Variants in DNAAF11 observed in about 807,000 individuals in gnomAD.
The protein encoded by DNAAF11 is dynein axonemal assembly factor 11, also known as leucine rich repeat containing 6.
In DNAAF11, 45 loss-of-function variants were observed where a neutral mutation model predicts 60.8. The ratio of observed to expected loss-of-function variants is 0.74; its 90% CI spans 0.58 to 0.95. The LOEUF (loss-of-function observed/expected upper bound fraction) is 0.95, where lower values mean the gene tolerates loss of function less well. DNAAF11 is among the 40% of genes least tolerant of loss of function. DNAAF11 has a pLI of 0.00. For synonymous variants in DNAAF11, 191 were observed against 183.5 expected (o/e 1.04, Z -0.33); for missense variants, 546 against 546.2 (o/e 1.00, Z 0.00).
chr8:132,602,284 G>T (rs908591554), intron 10 of DNAAF11, among the ~76,000 whole-genome samples: 2 of 151,924 alleles, frequency 1.3e-5, no homozygotes, highest in African/African-American at 4.8e-5. Flanking sequence ...CAACATCAAT[G>T]TCACTACCAC....
At chr8:132,605,809 T>A (rs568365915) in intron 10 of DNAAF11, among the ~76,000 whole-genome samples, 18 of 152,238 alleles carry the variant, frequency 1.2e-4, no homozygotes, top group African/African-American at 4.3e-4. Flanking sequence ...GGGAAGGACA[T>A]TCTGGCAGAA....
Position 132,583,747 on chromosome 8 carries a change from T to C in DNAAF11, c.1173A>G (p.Ala391=), listed in dbSNP as rs139786749. The C allele has an allele frequency of 2.7e-5, 43 of 1,613,852 alleles. No individual in the cohort carries two copies. Among genetic ancestry groups the C allele is most frequent in the Non-Finnish European group, 3.6e-5 (42 of 1,179,882 alleles). Residue 391 remains alanine (A), a synonymous_variant, in exon 11 of 12, where the codon GCA becomes GCG. Coordinates refer to ENST00000620350, the MANE Select transcript of DNAAF11 (RefSeq NM_012472.6). ...VGEVITGGQR[A]FKSMKTTSDR... ...CCGAGGTAGTTTTCATAGATTTGAA[T>C]GCTCGCTGACCACCTGTGATTACTT...
chr8:132,610,288 A>C (rs1028479020), intron 9 of DNAAF11, 27 bp from the exon 10 acceptor site: 6 of 1,493,838 alleles, frequency 4.0e-6, no homozygotes, highest in Non-Finnish European at 5.6e-6. Context: ...AGAAAGTATC[A>C]TTGAGAGCAA....
chr8:132,665,220 C>T (rs1253939339), intron 1 of DNAAF11, among the ~76,000 whole-genome samples: 1 of 151,912 alleles, frequency 6.6e-6, no homozygotes, highest in Admixed American at 6.6e-5. Flanking sequence ...TAATGGCAAA[C>T]ATCAGAACAA....
intron 5 of DNAAF11, 132 bp from the exon 6 acceptor site, chr8:132,625,586 A>G: frequency 1.4e-6 from 1 of 715,328 alleles, no homozygotes; most frequent in South Asian, 2.4e-5. Flanking sequence ...TGACTCTGAA[A>G]GACAGTTTAA....
At chr8:132,608,114 G>C (rs995262886) in intron 10 of DNAAF11, among the ~76,000 whole-genome samples, 1 of 151,956 alleles carries the variant, frequency 6.6e-6, no homozygotes, top group Non-Finnish European at 1.5e-5. Context: ...TTTAACTTTT[G>C]GTGGTTTTTA....
chr8:132,656,783 A>C, intron 3 of DNAAF11, 47 bp downstream of exon 3: 1 of 902,758 alleles, frequency 1.1e-6, no homozygotes, highest in Non-Finnish European at 1.8e-6. Context: ...TCTAACTTAA[A>C]ATCTCAATTT....
chr8:132,651,149 C>T (rs987659646), intron 3 of DNAAF11, among the ~76,000 whole-genome samples: 2 of 152,114 alleles, frequency 1.3e-5, no homozygotes, highest in African/African-American at 2.4e-5. Context: ...ATCACCAACA[C>T]TGACTGCCAA....
chr8:132,630,162 C>T (rs1820659008), intron 5 of DNAAF11, among the ~76,000 whole-genome samples: 1 of 152,100 alleles, frequency 6.6e-6, no homozygotes, highest in Non-Finnish European at 1.5e-5. Flanking sequence ...CTCATACAGA[C>T]AAGTAAAGAA....
intron 3 of DNAAF11, among the ~76,000 whole-genome samples, chr8:132,649,148 T>C (rs1822732021): frequency 1.3e-5 from 2 of 152,178 alleles, no homozygotes; most frequent in Admixed American, 1.3e-4. Context: ...CAAAACAGCA[T>C]GGTACTGGTA....
the DNAAF11 span, among the ~76,000 whole-genome samples, chr8:132,695,890 A>C: frequency 1.3e-5 from 2 of 152,214 alleles, no homozygotes; most frequent in Admixed American, 1.3e-4. Context: ...AGCACATGGA[A>C]TCTAAGCTGA....
intron 6 of DNAAF11, among the ~76,000 whole-genome samples, chr8:132,624,799 T>C (rs1820085633): frequency 6.6e-6 from 1 of 152,204 alleles, no homozygotes; most frequent in Non-Finnish European, 1.5e-5. Flanking sequence ...CATCAAATTA[T>C]ATGTAAACAA....
chr8:132,675,432 G>A (rs1825702415), intron 1 of DNAAF11, 52 bp downstream of exon 1: 7 of 1,544,958 alleles, frequency 4.5e-6, no homozygotes, highest in South Asian at 2.4e-5. Flanking sequence ...CGAGACCCGG[G>A]ACTACTTCCA....
chr8:132,577,356 A>T (rs919717501), intron 11 of DNAAF11, among the ~76,000 whole-genome samples: 1 of 152,254 alleles, frequency 6.6e-6, no homozygotes, highest in Non-Finnish European at 1.5e-5. Flanking sequence ...TATTTGAGGT[A>T]ATAAAACATC....
the DNAAF11 span, among the ~76,000 whole-genome samples, chr8:132,699,793 A>G: frequency 6.6e-6 from 1 of 152,232 alleles, no homozygotes; most frequent in East Asian, 1.9e-4. Context: ...ATACATGCTA[A>G]GATGTGAGTC....
chr8:132,680,577 C>T (rs150934726), upstream of DNAAF11, among the ~76,000 whole-genome samples: 56 of 152,148 alleles, frequency 3.7e-4, no homozygotes, highest in East Asian at 5.4e-3. Flanking sequence ...TATTTTTCTT[C>T]AGAAAAGTTT....
intron 3 of DNAAF11, among the ~76,000 whole-genome samples, chr8:132,650,103 G>A (rs188642320): frequency 1.3e-5 from 2 of 152,306 alleles, no homozygotes; most frequent in African/African-American, 4.8e-5. Flanking sequence ...CAACAGCAAA[G>A]ACTTGGAACC....
At position 132,571,230 on chromosome 8, in the gene DNAAF11, CTG is replaced by C; in HGVS notation, c.*1074_*1075del. Among the ~76,000 whole-genome samples, 1 of 152,290 alleles carries C rather than the reference CTG, an allele frequency of 6.6e-6. No individual in the cohort carries two copies. Among genetic ancestry groups the C allele is most frequent in the South Asian group, 2.1e-4 (1 of 4,822 alleles). ...AGCTCTGAACACCACCTGACATAGT[CTG>C]TGTGTATGTATTTGTCTGCTTTGTT... On this transcript the variant is annotated 3_prime_UTR_variant, in exon 12 of 12. Transcript: ENST00000620350.
intron 8 of DNAAF11, among the ~76,000 whole-genome samples, chr8:132,611,894 GT>G (rs1818705658): frequency 6.6e-6 from 1 of 152,108 alleles, no homozygotes; most frequent in African/African-American, 2.4e-5. Context: ...CCAAGATCAG[GT>G]GGCAATTATT....
Sources: gnomAD v4.1 joint callset for allele counts (sites outside exome capture counted in the v4.1 genomes callset) on GRCh38, gnomAD v4.1.1 for gene constraint, MANE v1.5 for transcripts, NCBI Gene and HGNC (gene_info 2026-07-23, HGNC 2026-07-21) for gene names.